RCOR1: variants seen among roughly 807,000 people sequenced by gnomAD.
RCOR1 encodes the protein REST corepressor.
In RCOR1, 12 loss-of-function variants were observed where a neutral mutation model predicts 64.0. The ratio of observed to expected loss-of-function variants is 0.19; its 90% CI spans 0.12 to 0.30. RCOR1 has a LOEUF of 0.30. RCOR1 is among the 10% of genes least tolerant of loss of function. RCOR1 has a pLI of 1.00. For missense variants in RCOR1, 502 were observed against 621.2 expected (o/e 0.81, Z 2.04); for synonymous variants, 279 against 227.2 (o/e 1.23, Z -2.05).
At chr14:102,623,290 C>A (rs568827273) in intron 2 of RCOR1, among the ~76,000 whole-genome samples, 1 of 151,890 alleles carries the variant, frequency 6.6e-6, no homozygotes, top group Non-Finnish European at 1.5e-5. Flanking sequence ...TGTTATTCTT[C>A]CCTCTTCCTT....
At chr14:102,726,378 A>G in intron 11 of RCOR1, 90 bp from the exon 12 acceptor site, 5 of 1,170,014 alleles carry the variant, frequency 4.3e-6, no homozygotes, top group Non-Finnish European at 6.0e-6. Context: ...TTTGCTGGCT[A>G]CCTTCTCTTT....
At chr14:102,608,099 C>A (rs1018300977) in intron 2 of RCOR1, among the ~76,000 whole-genome samples, 2 of 152,072 alleles carry the variant, frequency 1.3e-5, no homozygotes, top group Non-Finnish European at 2.9e-5. Context: ...ATGAACAATT[C>A]AGTGGCATTC....
intron 2 of RCOR1, among the ~76,000 whole-genome samples, chr14:102,646,681 G>A (rs1894483726): frequency 6.6e-6 from 1 of 152,206 alleles, no homozygotes; most frequent in Admixed American, 6.5e-5. Context: ...AATAAGGACT[G>A]TATACTAATG....
At chr14:102,658,206 C>T (rs1016795877) in intron 2 of RCOR1, among the ~76,000 whole-genome samples, 3 of 152,148 alleles carry the variant, frequency 2.0e-5, no homozygotes, top group Non-Finnish European at 4.4e-5. Context: ...ACCTCTGAAC[C>T]TCAGATGATC....
rs1447901735 is a variant in RCOR1, at chr14:102,663,101, T to G, written c.362-18794T>G. Among the ~76,000 whole-genome samples, 3 of 152,160 alleles carry G rather than the reference T, an allele frequency of 2.0e-5. No homozygotes were observed. In the East Asian group the frequency reaches 5.8e-4, roughly 29 times the overall value. ...CCTGTGCTTTTCTCTTGCTAGCAAA[T>G]GAGTCTCATGAGATATCTAATAGTT... On this transcript the variant is annotated intron_variant, in intron 2 of 11. Coordinates refer to ENST00000262241, the MANE Select transcript of RCOR1 (RefSeq NM_015156.4).
chr14:102,668,185 T>G (rs1330394780), intron 2 of RCOR1, among the ~76,000 whole-genome samples: 2 of 152,218 alleles, frequency 1.3e-5, no homozygotes, highest in African/African-American at 4.8e-5. Context: ...CTCTCTTCTG[T>G]TCACCCTGGA....
At chr14:102,622,004 G>A (rs1893884582) in intron 2 of RCOR1, among the ~76,000 whole-genome samples, 1 of 152,098 alleles carries the variant, frequency 6.6e-6, no homozygotes, top group Non-Finnish European at 1.5e-5. Flanking sequence ...GAAATACGAA[G>A]GCAGACAACT....
At chr14:102,628,165 T>TTGTTCTCTTCAGGCTTTC (rs1197598540) in intron 2 of RCOR1, among the ~76,000 whole-genome samples, 2 of 152,146 alleles carry the variant, frequency 1.3e-5, no homozygotes, top group African/African-American at 4.8e-5. Flanking sequence ...CTCAGCCTTT[T>TTGTTCTCTTCAGGCTTTC]TGTTCTCTTC....
intron 2 of RCOR1, chr14:102,657,311 T>A: frequency 4.1e-6 from 4 of 985,378 alleles, no homozygotes; most frequent in Non-Finnish European, 4.8e-6. Flanking sequence ...TATGTCCTCA[T>A]GTTCAAGGAG....
At chr14:102,659,332 A>G (rs1169204456) in intron 2 of RCOR1, 19 of 912,338 alleles carry the variant, frequency 2.1e-5, no homozygotes, top group East Asian at 1.2e-4. Flanking sequence ...TACCAGAATC[A>G]TTAAGGCTCA....
chr14:102,699,288 C>T (rs1242280579), intron 3 of RCOR1, among the ~76,000 whole-genome samples: 1 of 152,194 alleles, frequency 6.6e-6, no homozygotes, highest in African/African-American at 2.4e-5. Flanking sequence ...TTACTGTAAT[C>T]TGAGTGAAGT....
chr14:102,619,996 A>G (rs528851385), intron 2 of RCOR1, among the ~76,000 whole-genome samples: 85 of 152,328 alleles, frequency 5.6e-4, no homozygotes, highest in Non-Finnish European at 9.3e-4. Context: ...GAAGAATAGA[A>G]TTACTTCTCA....
intron 3 of RCOR1, among the ~76,000 whole-genome samples, chr14:102,686,937 C>A (rs373695672): frequency 3.3e-5 from 5 of 152,260 alleles, no homozygotes; most frequent in African/African-American, 1.2e-4. Context: ...TATATTTTTT[C>A]CTTCACTTAC....
chr14:102,635,274 C>T (rs746885423), intron 2 of RCOR1, among the ~76,000 whole-genome samples: 22 of 152,240 alleles, frequency 1.4e-4, no homozygotes, highest in African/African-American at 1.9e-4. Flanking sequence ...GCGGCCCAGG[C>T]GGGTGGATCA....
At chr14:102,605,825 T>C in intron 2 of RCOR1, among the ~76,000 whole-genome samples, 1 of 152,178 alleles carries the variant, frequency 6.6e-6, no homozygotes, top group Admixed American at 6.6e-5. Context: ...TCTTATTGCC[T>C]CTGAAGACCT....
intron 2 of RCOR1, among the ~76,000 whole-genome samples, chr14:102,661,234 G>A (rs1894818287): frequency 6.6e-6 from 1 of 152,150 alleles, no homozygotes; most frequent in Non-Finnish European, 1.5e-5. Context: ...TGTAGTCCTA[G>A]CTACTTGGGA....
At chr14:102,593,531 G>GTC (rs756596151) in intron 2 of RCOR1, among the ~76,000 whole-genome samples, 1 of 152,224 alleles carries the variant, frequency 6.6e-6, no homozygotes, top group Non-Finnish European at 1.5e-5. Flanking sequence ...GGGAGGCCAG[G>GTC]TCGCCCCCAG....
At chr14:102,692,071 T>A (rs1465948342) in intron 3 of RCOR1, among the ~76,000 whole-genome samples, 1 of 152,238 alleles carries the variant, frequency 6.6e-6, no homozygotes, top group Non-Finnish European at 1.5e-5. Context: ...GTTAGACCAG[T>A]CTAGTGTGAG....
intron 11 of RCOR1, among the ~76,000 whole-genome samples, chr14:102,723,496 C>T (rs1245219498): frequency 3.9e-5 from 6 of 152,198 alleles, no homozygotes; most frequent in African/African-American, 1.2e-4. Context: ...TCTTTAGAGC[C>T]TTTTGCCAGA....
Sources: allele counts gnomAD v4.1 joint callset (sites outside exome capture counted in the v4.1 genomes callset), GRCh38; gene constraint gnomAD v4.1.1; transcripts MANE v1.5; gene names NCBI Gene and HGNC (gene_info 2026-07-23, HGNC 2026-07-21).